The following BRINP1 variants were observed in gnomAD, a reference collection of about 807,000 sequenced individuals.
BRINP1 encodes the protein BMP/retinoic acid inducible neural specific 1.
BRINP1 carries 17 observed loss-of-function variants against 72.9 expected under a neutral mutation model. The observed-to-expected ratio is 0.23, with a 90% confidence interval of 0.16 to 0.35. BRINP1 has a LOEUF of 0.35. BRINP1 is among the 10% of genes least tolerant of loss of function. The probability of loss-of-function intolerance (pLI) is 1.00; values close to 1 mark genes in which losing one functional copy is unlikely to be tolerated. For missense variants in BRINP1, 850 were observed against 1,001.6 expected (o/e 0.85, Z 2.04); for synonymous variants, 418 against 378.5 (o/e 1.10, Z -1.21).
At chr9:119,316,535 T>C (rs748713785) in intron 1 of BRINP1, among the ~76,000 whole-genome samples, 7 of 152,166 alleles carry the variant, frequency 4.6e-5, no homozygotes, top group African/African-American at 7.2e-5. Context: ...TGACTTTAAG[T>C]TGACGCCAAA....
At chr9:119,300,182 C>T (rs1418885971) in intron 2 of BRINP1, among the ~76,000 whole-genome samples, 5 of 152,094 alleles carry the variant, frequency 3.3e-5, no homozygotes, top group African/African-American at 1.2e-4. Context: ...CTCCTTTTAC[C>T]CCTACTTGTG....
chr9:119,357,107 G>A (rs1390580123), intron 1 of BRINP1, among the ~76,000 whole-genome samples: 1 of 152,164 alleles, frequency 6.6e-6, no homozygotes, highest in African/African-American at 2.4e-5. Context: ...CTGATAGTAG[G>A]TGATCTTAAT....
chr9:119,355,492 G>T (rs1405949192), intron 1 of BRINP1, among the ~76,000 whole-genome samples: 1 of 152,146 alleles, frequency 6.6e-6, no homozygotes, highest in African/African-American at 2.4e-5. Context: ...ACTTTGGGAG[G>T]CCAAGGTGGG....
Position 119,205,567 on chromosome 9 carries a change from A to G in BRINP1, c.1145+3152T>C, listed in dbSNP as rs143697740. On this transcript the variant is annotated intron_variant, in intron 7 of 7. Coordinates refer to ENST00000265922, the MANE Select transcript of BRINP1 (RefSeq NM_014618.3). Reference sequence around the variant, plus strand: ...CAAGGACACACAGCTTACTAGTGGTAGGACAAATCCAGACTCCTTGACTTT... The same window carrying G: ...CAAGGACACACAGCTTACTAGTGGTGGGACAAATCCAGACTCCTTGACTTT... 5.4e-4 allele frequency among the ~76,000 whole-genome samples: 82 copies of G among 152,324 alleles called. 1 individual carries two copies. The East Asian group carries it at 0.012, about 22-fold the overall frequency.
At chr9:119,309,022 A>G (rs998129079) in intron 2 of BRINP1, among the ~76,000 whole-genome samples, 4 of 152,154 alleles carry the variant, frequency 2.6e-5, no homozygotes, top group African/African-American at 9.7e-5. Flanking sequence ...GAAACACAGG[A>G]AAAATCTTTG....
intron 6 of BRINP1, among the ~76,000 whole-genome samples, chr9:119,209,469 G>A (rs1344756412): frequency 6.6e-6 from 1 of 152,000 alleles, no homozygotes; most frequent in Non-Finnish European, 1.5e-5. Context: ...TCGGGAGGCT[G>A]AGGCAGGAGA....
chr9:119,223,784 C>T (rs1234674988), intron 5 of BRINP1, among the ~76,000 whole-genome samples: 1 of 152,036 alleles, frequency 6.6e-6, no homozygotes, highest in African/African-American at 2.4e-5. Context: ...CAGCTTGAGA[C>T]ACGAGGCTTT....
chr9:119,288,149 A>C (rs1303575147), intron 2 of BRINP1, among the ~76,000 whole-genome samples: 1 of 152,208 alleles, frequency 6.6e-6, no homozygotes, highest in Non-Finnish European at 1.5e-5. Context: ...GTTTATTTGC[A>C]TGCAAAAGGA....
At chr9:119,168,275 T>C (rs764922655) in intron 7 of BRINP1, 51 bp from the exon 8 acceptor site, 1 of 1,389,548 alleles carries the variant, frequency 7.2e-7, no homozygotes, top group East Asian at 2.4e-5. Context: ...AGTGGGTCTG[T>C]GAGTTACAGT....
intron 5 of BRINP1, among the ~76,000 whole-genome samples, chr9:119,224,790 C>A (rs1488295427): frequency 1.3e-5 from 2 of 152,048 alleles, no homozygotes; most frequent in African/African-American, 2.4e-5. Flanking sequence ...TGTACCATGT[C>A]TCTCACATTC....
At chr9:119,271,541 C>A (rs78815163) in intron 2 of BRINP1, among the ~76,000 whole-genome samples, 3,593 of 151,992 alleles carry the variant, frequency 0.024, 113 homozygotes, top group African/African-American at 0.08. Flanking sequence ...TTATATAATA[C>A]ATTCATTTAC....
chr9:119,194,450 T>G (rs1829713041), intron 7 of BRINP1, among the ~76,000 whole-genome samples: 1 of 152,210 alleles, frequency 6.6e-6, no homozygotes, highest in Admixed American at 6.5e-5. Context: ...GATAGCACTC[T>G]GGTGACTGTG....
intron 1 of BRINP1, among the ~76,000 whole-genome samples, chr9:119,337,445 T>A (rs1185686273): frequency 6.6e-6 from 1 of 152,234 alleles, no homozygotes; most frequent in Non-Finnish European, 1.5e-5. Context: ...AAATCTCTCC[T>A]ATTTAAAGCA....
intron 2 of BRINP1, among the ~76,000 whole-genome samples, chr9:119,302,411 AT>A (rs1830947058): frequency 6.6e-6 from 1 of 152,150 alleles, no homozygotes; most frequent in Non-Finnish European, 1.5e-5. Context: ...TAGCCACTAA[AT>A]TTGTCACAAC....
intron 7 of BRINP1, among the ~76,000 whole-genome samples, chr9:119,169,713 G>A (rs1252660824): frequency 6.6e-6 from 1 of 152,234 alleles, no homozygotes; most frequent in Non-Finnish European, 1.5e-5. Flanking sequence ...AGTAACCTCT[G>A]CAGACTTAAA....
intron 2 of BRINP1, among the ~76,000 whole-genome samples, chr9:119,306,395 G>A (rs1268360038): frequency 3.3e-5 from 5 of 152,188 alleles, no homozygotes; most frequent in Non-Finnish European, 7.3e-5. Flanking sequence ...GGGAGACCTT[G>A]ATAAAAAATT....
At chr9:119,369,021 G>A (rs1249478713) in intron 1 of BRINP1, 35 bp downstream of exon 1, 9 of 392,912 alleles carry the variant, frequency 2.3e-5, no homozygotes. Flanking sequence ...CAAGGGCAGC[G>A]GGGCTGCGGG....
At chr9:119,304,671 A>G (rs1326522904) in intron 2 of BRINP1, among the ~76,000 whole-genome samples, 2 of 152,246 alleles carry the variant, frequency 1.3e-5, no homozygotes, top group Non-Finnish European at 2.9e-5. Context: ...CAGGGTGCTG[A>G]AAATGGAATT....
chr9:119,224,548 T>A lies in BRINP1; in HGVS notation c.686-10393A>T, dbSNP rs191704046. Among the ~76,000 whole-genome samples the A allele has an allele frequency of 1.6e-3, 242 of 152,224 alleles. 1 individual carries two copies. Among genetic ancestry groups the A allele is most frequent in the African/African-American group, 5.5e-3 (230 of 41,562 alleles). On this transcript the variant is annotated intron_variant, in intron 5 of 7. Coordinates refer to ENST00000265922, the MANE Select transcript of BRINP1 (RefSeq NM_014618.3). ...TATTAGGGCACTTTTGCTAAATTAC[T>A]GTGTGGTAACGAATAACCTCAAAAT...
Sources: allele counts gnomAD v4.1 joint callset (sites outside exome capture counted in the v4.1 genomes callset), GRCh38; gene constraint gnomAD v4.1.1; transcripts MANE v1.5; gene names NCBI Gene and HGNC (gene_info 2026-07-23, HGNC 2026-07-21).